The following NEU3 variants were observed in gnomAD, a reference collection of about 807,000 sequenced individuals.
NEU3 encodes the protein sialidase-3.
Under a neutral mutation model 11.4 loss-of-function variants are expected in NEU3, and 10 were observed. The observed-to-expected ratio is 0.88, with a 90% CI of 0.54 to 1.49. NEU3 has a LOEUF of 1.49. Among genes scored for constraint, NEU3 ranks in the 40% most tolerant of loss-of-function variants. The pLI is 0.00. For missense variants in NEU3, 529 were observed against 581.8 expected, an observed-to-expected ratio of 0.91 and a Z score of 0.93; for synonymous variants, 212 against 228.2, an observed-to-expected ratio of 0.93 and a Z score of 0.64.
At chr11:74,989,926 C>A in intron 1 of NEU3, 1 of 699,376 alleles carries the variant, frequency 1.4e-6, no homozygotes, top group Admixed American at 2.0e-5. Flanking sequence ...AACCCCAGAG[C>A]AGGCCCATAT....
chr11:74,994,981 G>T, intron 2 of NEU3: 1 of 624,710 alleles, frequency 1.6e-6, no homozygotes. Context: ...CAGAGAGGTT[G>T]CCATTTGCTC....
At chr11:74,988,712 C>T (rs1948693766), upstream of NEU3, 1 of 337,650 alleles carries the variant, frequency 3.0e-6, no homozygotes, top group African/African-American at 2.2e-5. Context: ...AGGAGGCGGC[C>T]GTTGGGAACT....
At chr11:74,990,451 G>A (rs1948718251) in intron 1 of NEU3, among the ~76,000 whole-genome samples, 2 of 152,088 alleles carry the variant, frequency 1.3e-5, no homozygotes, top group Non-Finnish European at 2.9e-5. Context: ...CCGTCTCCTG[G>A]TTTCAAGTGA....
At chr11:74,994,844 A>C in intron 2 of NEU3, 124 bp downstream of exon 2, 2 of 863,354 alleles carry the variant, frequency 2.3e-6, no homozygotes, top group Non-Finnish European at 3.8e-6. Context: ...AGAGGCAGAA[A>C]AAACAGCAAA....
chr11:74,994,033 C>A (rs749916589), intron 1 of NEU3, among the ~76,000 whole-genome samples: 1 of 152,076 alleles, frequency 6.6e-6, no homozygotes, highest in Non-Finnish European at 1.5e-5. Context: ...AAAAAAAATT[C>A]TCCCTACTGA....
At chr11:75,002,829 T>C (rs622578) in intron 2 of NEU3, among the ~76,000 whole-genome samples, 152,331 of 152,364 alleles carry the variant, frequency 1, 76,149 homozygotes, top group Non-Finnish European at 1. Context: ...TTTTAATCTA[T>C]GTATTCTTTT....
upstream of NEU3, among the ~76,000 whole-genome samples, chr11:74,983,792 C>T (rs1948652226): frequency 6.6e-6 from 1 of 152,168 alleles, no homozygotes; most frequent in African/African-American, 2.4e-5. Context: ...AAATTGGAGT[C>T]AGTGCAATCA....
At chr11:74,994,785 A>G in intron 2 of NEU3, 65 bp downstream of exon 2, 1 of 1,431,420 alleles carries the variant, frequency 7.0e-7, no homozygotes, top group Admixed American at 1.7e-5. Context: ...AGAGCTCTTC[A>G]GGATCTGTGC....
At chr11:74,997,690 CAAAAAAAAAAAA>C (rs35900546) in intron 2 of NEU3, among the ~76,000 whole-genome samples, 2 of 97,702 alleles carry the variant, frequency 2.0e-5, no homozygotes, top group African/African-American at 8.3e-5. Flanking sequence ...CTAAAAATAC[CAAAAAAAAAAAA>C]AAAAAAAAAA....
In NEU3 at chr11:75,008,280, C is replaced by T. The variant is rs1021547783; in HGVS notation, c.*1788C>T. 1.3e-5 allele frequency: 2 copies of T among 152,180 alleles called. No individual in the cohort carries two copies. The highest frequency in any genetic ancestry group is 2.9e-5 in the Non-Finnish European group (2 of 68,046). 9.4% of individuals were successfully genotyped at this position (152,180 alleles called of 1,614,324 possible). On this transcript the variant is annotated 3_prime_UTR_variant, in exon 3 of 3. Coordinates refer to ENST00000294064, the MANE Select transcript of NEU3 (RefSeq NM_006656.6). ...TCCAGCTGTTGGGTGAAATAATGCA[C>T]ACTTTCCTCTACTTCCTTATATGAG...
chr11:74,997,730 G>C (rs1479651513), intron 2 of NEU3, among the ~76,000 whole-genome samples: 1 of 151,556 alleles, frequency 6.6e-6, no homozygotes, highest in African/African-American at 2.4e-5. Context: ...GGGCATGGTG[G>C]TGCATGCCTG....
chr11:75,009,755 G>A lies in NEU3; in HGVS notation c.*3263G>A, dbSNP rs887182588. The stretch of plus-strand genomic sequence containing the variant: ...GCCTCCTGCTGCTGGTATGTACCCA[G>A]GCCAGCCTCCTGCCGACACAGCCTA... On this transcript the variant is annotated 3_prime_UTR_variant, in exon 3 of 3. Coordinates refer to ENST00000294064, the MANE Select transcript of NEU3 (RefSeq NM_006656.6). The A allele has an allele frequency of 6.6e-6, 1 of 152,246 alleles. No homozygotes were observed. Among genetic ancestry groups the A allele is most frequent in the Non-Finnish European group, 1.5e-5 (1 of 68,108 alleles). 9.4% of individuals were successfully genotyped at this position (152,246 alleles called of 1,614,324 possible). A position where few individuals can be genotyped will look rare whatever the true frequency, so the allele number is the denominator to read the frequency against.
chr11:74,994,844 A>G (rs754852388), intron 2 of NEU3, 124 bp downstream of exon 2: 1 of 863,236 alleles, frequency 1.2e-6, no homozygotes, highest in African/African-American at 1.7e-5. Flanking sequence ...AGAGGCAGAA[A>G]AAACAGCAAA....
chr11:74,994,805 T>C, intron 2 of NEU3, 85 bp downstream of exon 2: 1 of 1,273,554 alleles, frequency 7.9e-7, no homozygotes, highest in Non-Finnish European at 1.1e-6. Context: ...CCTTTTCTCA[T>C]CAGTACAGGA....
At chr11:75,004,211 C>T (rs1555119171) in intron 2 of NEU3, 1 of 587,414 alleles carries the variant, frequency 1.7e-6, no homozygotes, top group Admixed American at 3.1e-5. Context: ...TTCACATTTG[C>T]CAACACAGTA....
chr11:74,986,107 A>G (rs1199838630), upstream of NEU3, among the ~76,000 whole-genome samples: 2 of 152,218 alleles, frequency 1.3e-5, no homozygotes, highest in Non-Finnish European at 2.9e-5. Context: ...GTATTGTGCA[A>G]CTTGCTTTTT....
intron 3 of NEU3, among the ~76,000 whole-genome samples, chr11:75,018,355 G>A (rs1050906468): frequency 2.6e-5 from 4 of 152,048 alleles, no homozygotes; most frequent in African/African-American, 2.4e-5. Context: ...GGGTGTTGCC[G>A]AAGGAGACTA....
downstream of NEU3, among the ~76,000 whole-genome samples, chr11:75,013,922 G>C (rs1948970571): frequency 6.6e-6 from 1 of 152,176 alleles, no homozygotes. Flanking sequence ...TACCTTGCAG[G>C]TTGATATGAG....
At chr11:75,020,120 C>A (rs750338235), downstream of NEU3, among the ~76,000 whole-genome samples, 42 of 152,102 alleles carry the variant, frequency 2.8e-4, 1 homozygote, top group Non-Finnish European at 1.5e-5. Flanking sequence ...TTGCATGGGC[C>A]CTGTAACCCC....
Sources: allele counts gnomAD v4.1 joint callset (sites outside exome capture counted in the v4.1 genomes callset), GRCh38; gene constraint gnomAD v4.1.1; transcripts MANE v1.5; gene names NCBI Gene and HGNC (gene_info 2026-07-23, HGNC 2026-07-21).